HS2ST1: variants seen among roughly 807,000 people sequenced by gnomAD.
The protein encoded by HS2ST1 is 2-O-sulfotransferase.
HS2ST1 carries 18 observed loss-of-function variants against 42.9 expected under a neutral mutation model. The ratio of observed to expected loss-of-function variants is 0.42; its 90% CI spans 0.29 to 0.62. HS2ST1 has a LOEUF of 0.62. HS2ST1 is among the 20% of genes least tolerant of loss of function. The pLI is 0.21. For synonymous variants in HS2ST1, 146 were observed against 152.9 expected (o/e 0.95, Z 0.33); for missense variants, 334 against 433.8 (o/e 0.77, Z 2.04).
At chr1:86,952,047 A>G (rs1647535298) in intron 1 of HS2ST1, among the ~76,000 whole-genome samples, 1 of 152,156 alleles carries the variant, frequency 6.6e-6, no homozygotes, top group South Asian at 2.1e-4. Flanking sequence ...CTTGAACCCC[A>G]CAAAGTCATT....
rs74891810 is a variant in HS2ST1 at position 86,953,847 on chromosome 1, T to C, written c.124+38687T>C. Among the ~76,000 whole-genome samples the C allele has an allele frequency of 7.9e-3, 1,206 of 151,940 alleles. 22 individuals carry two copies. Among genetic ancestry groups the C allele is most frequent in the African/African-American group, 0.028 (1,171 of 41,416 alleles). ...TTAGAGGCCATTATAAGGGTTATTA[T>C]TAGGCCTAATTTCAATATTGTTGTA... On this transcript the variant is annotated intron_variant, in intron 1 of 6. Coordinates refer to ENST00000370550, the MANE Select transcript of HS2ST1 (RefSeq NM_012262.4).
At chr1:86,954,871 A>G (rs1391697279) in intron 1 of HS2ST1, among the ~76,000 whole-genome samples, 1 of 152,130 alleles carries the variant, frequency 6.6e-6, no homozygotes. Context: ...CAAGAGTCTG[A>G]AATCCACTTG....
At chr1:87,010,035 A>AAAAAC (rs1014924814) in intron 1 of HS2ST1, among the ~76,000 whole-genome samples, 1 of 97,046 alleles carries the variant, frequency 1.0e-5, no homozygotes, top group Middle Eastern at 4.8e-3. Context: ...ACTCTGTCTC[A>AAAAAC]AAAACAAAAC....
intron 1 of HS2ST1, among the ~76,000 whole-genome samples, chr1:87,031,283 C>T (rs1004624035): frequency 6.6e-6 from 1 of 152,118 alleles, no homozygotes; most frequent in Non-Finnish European, 1.5e-5. Flanking sequence ...AGGCCTATAT[C>T]CGTGGAAATA....
At chr1:86,983,892 T>C (rs1648674282) in intron 1 of HS2ST1, among the ~76,000 whole-genome samples, 1 of 152,060 alleles carries the variant, frequency 6.6e-6, no homozygotes, top group South Asian at 2.1e-4. Flanking sequence ...ATACAAAAAT[T>C]AGCTGGGCGC....
chr1:86,952,112 G>T (rs1016725528), intron 1 of HS2ST1, among the ~76,000 whole-genome samples: 1 of 152,150 alleles, frequency 6.6e-6, no homozygotes, highest in Non-Finnish European at 1.5e-5. Context: ...ATCCTTCCAT[G>T]AATCATGAAT....
intron 1 of HS2ST1, among the ~76,000 whole-genome samples, chr1:86,983,373 G>A (rs1345059048): frequency 2.0e-5 from 3 of 152,102 alleles, no homozygotes; most frequent in Admixed American, 6.5e-5. Context: ...GGCAGAAGGT[G>A]AAGGGAAAAC....
At chr1:87,091,458 G>A (rs970887851) in intron 3 of HS2ST1, among the ~76,000 whole-genome samples, 5 of 151,870 alleles carry the variant, frequency 3.3e-5, no homozygotes, top group African/African-American at 9.7e-5. Context: ...GTTTCATATC[G>A]ATAAATCAGT....
At chr1:87,084,730 T>A (rs1255755953) in intron 3 of HS2ST1, among the ~76,000 whole-genome samples, 1 of 152,092 alleles carries the variant, frequency 6.6e-6, no homozygotes, top group African/African-American at 2.4e-5. Flanking sequence ...AAAATTATGA[T>A]GTATTACGAG....
At chr1:86,970,077 A>C (rs985784793) in intron 1 of HS2ST1, among the ~76,000 whole-genome samples, 2 of 151,566 alleles carry the variant, frequency 1.3e-5, no homozygotes, top group Non-Finnish European at 2.9e-5. Context: ...GTGAGTCAAG[A>C]TCGCGCCATT....
chr1:86,962,867 T>C (rs967529398), intron 1 of HS2ST1, among the ~76,000 whole-genome samples: 3 of 152,202 alleles, frequency 2.0e-5, no homozygotes, highest in African/African-American at 7.2e-5. Context: ...TATGAAGTCA[T>C]ATATCCATTG....
intron 1 of HS2ST1, among the ~76,000 whole-genome samples, chr1:86,916,407 A>G (rs1389096209): frequency 6.6e-6 from 1 of 152,212 alleles, no homozygotes; most frequent in African/African-American, 2.4e-5. Context: ...TTTAGGAAAA[A>G]TGTACCAGAA....
At chr1:87,012,168 C>T (rs779282710) in intron 1 of HS2ST1, among the ~76,000 whole-genome samples, 35 of 152,192 alleles carry the variant, frequency 2.3e-4, no homozygotes, top group Non-Finnish European at 4.4e-4. Flanking sequence ...CTTTTTCTAG[C>T]ACTTTTATCC....
chr1:87,040,174 G>A (rs1650483510), intron 1 of HS2ST1, among the ~76,000 whole-genome samples: 1 of 152,150 alleles, frequency 6.6e-6, no homozygotes, highest in African/African-American at 2.4e-5. Context: ...GAGATTTTAA[G>A]AAATAAGAGT....
intron 1 of HS2ST1, among the ~76,000 whole-genome samples, chr1:87,072,193 A>G (rs781658893): frequency 6.6e-6 from 1 of 152,176 alleles, no homozygotes; most frequent in Non-Finnish European, 1.5e-5. Context: ...TGTGCTAAAC[A>G]TAGTTTCTAA....
chr1:86,992,980 C>A, intron 1 of HS2ST1: 1 of 1,262,098 alleles, frequency 7.9e-7, no homozygotes, highest in South Asian at 1.5e-5. Context: ...TTCTTCTTGG[C>A]GTCTGTGTCT....
intron 1 of HS2ST1, among the ~76,000 whole-genome samples, chr1:86,962,455 A>C (rs1374707802): frequency 3.9e-5 from 6 of 152,200 alleles, no homozygotes; most frequent in Non-Finnish European, 8.8e-5. Flanking sequence ...GTATATATGG[A>C]ATTTTACTGT....
intron 1 of HS2ST1, among the ~76,000 whole-genome samples, chr1:87,015,161 G>A (rs1049701510): frequency 2.0e-5 from 3 of 151,996 alleles, no homozygotes; most frequent in African/African-American, 7.3e-5. Context: ...TGATTCTCCT[G>A]CTTCAGCCTC....
chr1:87,013,478 G>C (rs1649662064), intron 1 of HS2ST1, among the ~76,000 whole-genome samples: 2 of 152,336 alleles, frequency 1.3e-5, no homozygotes, highest in African/African-American at 2.4e-5. Flanking sequence ...CTCTGGGCCT[G>C]GCCCAGGAAA....
Sources: gnomAD v4.1 joint callset for allele counts (sites outside exome capture counted in the v4.1 genomes callset) on GRCh38, gnomAD v4.1.1 for gene constraint, MANE v1.5 for transcripts, NCBI Gene and HGNC (gene_info 2026-07-23, HGNC 2026-07-21) for gene names.